Variants in CHST11 observed in about 807,000 individuals in gnomAD.
CHST11 encodes C4S-1.
In CHST11, 9 loss-of-function variants were observed where a neutral mutation model predicts 30.4. The observed-to-expected ratio is 0.30, with a 90% confidence interval of 0.18 to 0.52. The LOEUF (loss-of-function observed/expected upper bound fraction) is 0.52. Among genes scored for constraint, CHST11 ranks in the 20% least tolerant of loss-of-function variants. The pLI is 0.97. For missense variants in CHST11, 348 were observed against 460.6 expected (o/e 0.76, Z 2.24); for synonymous variants, 152 against 187.8 (o/e 0.81, Z 1.56).
rs138725653 is a variant in CHST11 at position 104,745,202 on chromosome 12, C to A, written c.205-11747C>A. ...AGCACCATTTATTGAATAGGGAATC[C>A]TTTCCTCATTGTTTGTTTTTGTCAG... On this transcript the variant is annotated intron_variant, in intron 2 of 2. Transcript: ENST00000303694. 3.2e-4 allele frequency among the ~76,000 whole-genome samples: 48 copies of A among 152,240 alleles called. No individual in the cohort carries two copies. In the East Asian group the frequency reaches 6.2e-3, roughly 20 times the overall value.
intron 1 of CHST11, among the ~76,000 whole-genome samples, chr12:104,577,308 T>C (rs1195045351): frequency 6.7e-6 from 1 of 148,244 alleles, no homozygotes; most frequent in Non-Finnish European, 1.5e-5. Context: ...AAATTTACCA[T>C]TTTAACCATT....
chr12:104,594,283 C>T (rs930294918), intron 1 of CHST11, among the ~76,000 whole-genome samples: 7 of 152,044 alleles, frequency 4.6e-5, no homozygotes, highest in Admixed American at 2.0e-4. Context: ...GGTGACCAGA[C>T]GAGGGCTAAG....
chr12:104,589,730 A>G (rs1383461085), intron 1 of CHST11, among the ~76,000 whole-genome samples: 1 of 152,170 alleles, frequency 6.6e-6, no homozygotes, highest in African/African-American at 2.4e-5. Context: ...TTTGGCCTCA[A>G]ATCCTTTTCT....
At chr12:104,635,159 A>G (rs1376946744) in intron 2 of CHST11, among the ~76,000 whole-genome samples, 1 of 152,120 alleles carries the variant, frequency 6.6e-6, no homozygotes, top group African/African-American at 2.4e-5. Context: ...GTGATGACCA[A>G]GCTCCAAAGG....
At chr12:104,699,073 C>T (rs2039970951) in intron 2 of CHST11, among the ~76,000 whole-genome samples, 1 of 152,170 alleles carries the variant, frequency 6.6e-6, no homozygotes, top group Non-Finnish European at 1.5e-5. Flanking sequence ...TGACTAGTTG[C>T]ATTAGAATCC....
Position 104,600,437 on chromosome 12 carries a change from A to G in CHST11, c.119-1469A>G, listed in dbSNP as rs2038947527. Among the ~76,000 whole-genome samples the G allele has an allele frequency of 6.6e-6, 1 of 152,194 alleles. No individual in the cohort carries two copies. The highest frequency in any genetic ancestry group is 6.5e-5 in the Admixed American group (1 of 15,286). ...CGCCTTCCTCCCAGGGGGATCTAAA[A>G]TAGCTTCTGAAATTTGTCACCAACA... On this transcript the variant is annotated intron_variant, in intron 1 of 2. Coordinates refer to ENST00000303694, the MANE Select transcript of CHST11 (RefSeq NM_018413.6). The surrounding 1 kb of genome is among the most constrained non-coding windows in gnomAD (Gnocchi z 4.1).
At chr12:104,661,178 GA>G (rs2039594664) in intron 2 of CHST11, among the ~76,000 whole-genome samples, 1 of 152,174 alleles carries the variant, frequency 6.6e-6, no homozygotes, top group South Asian at 2.1e-4. Context: ...CATAAAAACG[GA>G]AGGAGTAGCT....
intron 2 of CHST11, among the ~76,000 whole-genome samples, chr12:104,608,346 G>A (rs2039026596): frequency 1.3e-5 from 2 of 152,102 alleles, no homozygotes; most frequent in South Asian, 2.1e-4. Flanking sequence ...TAGTCCTCCT[G>A]TGCAAATAAC....
chr12:104,623,052 A>G (rs1322804491), intron 2 of CHST11, among the ~76,000 whole-genome samples: 1 of 152,204 alleles, frequency 6.6e-6, no homozygotes, highest in Non-Finnish European at 1.5e-5. Flanking sequence ...GACAGCAAAC[A>G]TTTTAGGTCT....
At position 104,457,036 on chromosome 12, in the gene CHST11, C is replaced by T. The variant is rs3751318; in HGVS notation, c.-376C>T. 1,530 of 172,086 alleles carry T rather than the reference C, an allele frequency of 8.9e-3. 45 individuals carry two copies. The highest frequency in any genetic ancestry group is 0.065 in the East Asian group (417 of 6,440). The allele number at this position is 172,086 out of a possible 1,614,324, so 10.7% of individuals were successfully genotyped here. ...AGAAGGGAGAGGGCCCGTCGGACAG[C>T]CACAGCGGCCAGCGCAGCGGCAGCG... On this transcript the variant is annotated 5_prime_UTR_variant, in exon 1 of 3. Transcript: ENST00000303694.
At chr12:104,756,804 C>T in intron 2 of CHST11, 145 bp from the exon 3 acceptor site, 1 of 953,250 alleles carries the variant, frequency 1.0e-6, no homozygotes, top group Non-Finnish European at 1.5e-6. Flanking sequence ...GCCTCAGCTT[C>T]CCAGAGTGCT....
intron 2 of CHST11, among the ~76,000 whole-genome samples, chr12:104,674,228 T>G (rs1030599121): frequency 6.6e-6 from 1 of 152,156 alleles, no homozygotes; most frequent in Non-Finnish European, 1.5e-5. Flanking sequence ...TGTTTAAAAC[T>G]CTTAGCTGTT....
At chr12:104,689,837 C>T (rs1388782950) in intron 2 of CHST11, among the ~76,000 whole-genome samples, 1 of 152,136 alleles carries the variant, frequency 6.6e-6, no homozygotes, top group East Asian at 1.9e-4. Context: ...CAGCTCTGCC[C>T]CTGGATGCTC....
chr12:104,731,779 A>G (rs1479860676), intron 2 of CHST11, among the ~76,000 whole-genome samples: 1 of 152,266 alleles, frequency 6.6e-6, no homozygotes, highest in Non-Finnish European at 1.5e-5. Flanking sequence ...CTTCCCTGGC[A>G]TAATGTCCAT....
chr12:104,583,859 C>T (rs562589856), intron 1 of CHST11, among the ~76,000 whole-genome samples: 1 of 152,132 alleles, frequency 6.6e-6, no homozygotes, highest in African/African-American at 2.4e-5. Flanking sequence ...ATTACAGGCA[C>T]CTGCCACCAC....
intron 2 of CHST11, among the ~76,000 whole-genome samples, chr12:104,683,664 CT>C (rs1278834248): frequency 6.6e-6 from 1 of 152,222 alleles, no homozygotes. Context: ...GATTACCCAC[CT>C]GCAAAGGAAA....
intron 2 of CHST11, among the ~76,000 whole-genome samples, chr12:104,637,176 G>A (rs750655763): frequency 1.3e-5 from 2 of 151,308 alleles, no homozygotes; most frequent in Non-Finnish European, 2.9e-5. Context: ...GTGGTGGCAC[G>A]CACTTGTAGT....
At chr12:104,567,353 C>G (rs552764834) in intron 1 of CHST11, among the ~76,000 whole-genome samples, 4 of 152,148 alleles carry the variant, frequency 2.6e-5, no homozygotes, top group Non-Finnish European at 5.9e-5. Flanking sequence ...AAAATGCAAT[C>G]CTTTCCTAGA....
intron 2 of CHST11, among the ~76,000 whole-genome samples, chr12:104,750,574 G>A (rs12308052): frequency 6.6e-6 from 1 of 151,120 alleles, no homozygotes. Flanking sequence ...CTCCCCAGTA[G>A]CTGGGAGTAC....
Sources: allele counts gnomAD v4.1 joint callset (sites outside exome capture counted in the v4.1 genomes callset), GRCh38; gene constraint gnomAD v4.1.1; non-coding constraint Gnocchi (gnomAD v3.1); transcripts MANE v1.5; gene names NCBI Gene and HGNC (gene_info 2026-07-23, HGNC 2026-07-21).